The following SLC22A9 variants were observed in gnomAD, a reference collection of about 807,000 sequenced individuals.
The protein encoded by SLC22A9 is solute carrier family 22 member 9.
SLC22A9 carries 64 observed loss-of-function variants against 50.1 expected under a neutral mutation model. The observed-to-expected ratio is 1.28, with a 90% confidence interval of 1.04 to 1.57. The LOEUF (loss-of-function observed/expected upper bound fraction) is 1.57. Among genes scored for constraint, SLC22A9 ranks in the 40% most tolerant of loss-of-function variants. The pLI is 0.00. For missense variants in SLC22A9, 757 were observed against 676.1 expected, an observed-to-expected ratio of 1.12 and a Z score of -1.33; for synonymous variants, 261 against 242.5, an observed-to-expected ratio of 1.08 and a Z score of -0.71.
intron 7 of SLC22A9, 34 bp from the exon 8 acceptor site, chr11:63,408,078 A>G: frequency 6.4e-7 from 1 of 1,569,550 alleles, no homozygotes; most frequent in Non-Finnish European, 8.8e-7. Flanking sequence ...TTCAGCTCAG[A>G]TTTCCTGAGG....
intron 6 of SLC22A9, among the ~76,000 whole-genome samples, chr11:63,387,432 C>T (rs1303809369): frequency 6.6e-6 from 1 of 151,984 alleles, no homozygotes; most frequent in Non-Finnish European, 1.5e-5. Flanking sequence ...TGACACCTTT[C>T]TCAAAAAGAA....
In SLC22A9 at chr11:63,410,066, C is replaced by G. The variant is rs766063578; in HGVS notation, c.*204C>G. 5 of 453,274 alleles carry G rather than the reference C, an allele frequency of 1.1e-5. No individual in the cohort carries two copies. Among genetic ancestry groups the G allele is most frequent in the African/African-American group, 2.0e-5 (1 of 49,670 alleles). The allele number at this position is 453,274 out of a possible 1,614,324, so 28.1% of individuals were successfully genotyped here. A position where few individuals can be genotyped will look rare whatever the true frequency, so the allele number is the denominator to read the frequency against. On this transcript the variant is annotated 3_prime_UTR_variant, in exon 10 of 10. Coordinates refer to ENST00000279178, the MANE Select transcript of SLC22A9 (RefSeq NM_080866.3). ...CCACCCTGGCCAACATGGTGAAACC[C>G]TGTCTCTACTAAAACAAATACAAAA... is the stretch of plus-strand genomic sequence containing the variant.
intron 6 of SLC22A9, among the ~76,000 whole-genome samples, chr11:63,384,071 C>A (rs2014617317): frequency 6.7e-6 from 1 of 149,710 alleles, no homozygotes; most frequent in African/African-American, 2.5e-5. Flanking sequence ...AAAAGAGGAA[C>A]AAAGTGAGAA....
chr11:63,396,016 T>C (rs2014848965), intron 6 of SLC22A9, among the ~76,000 whole-genome samples: 4 of 152,028 alleles, frequency 2.6e-5, no homozygotes, highest in Admixed American at 2.6e-4. Flanking sequence ...CTCACCCAGC[T>C]CCCATGCAAT....
At chr11:63,377,869 TACC>T (rs2014491838) in intron 5 of SLC22A9, among the ~76,000 whole-genome samples, 1 of 151,786 alleles carries the variant, frequency 6.6e-6, no homozygotes, top group Admixed American at 6.6e-5. Flanking sequence ...AAGGTGACAT[TACC>T]ACCAACAACA....
intron 7 of SLC22A9, 99 bp from the exon 8 acceptor site, chr11:63,408,013 T>G (rs944109097): frequency 1.1e-6 from 1 of 912,190 alleles, no homozygotes; most frequent in Non-Finnish European, 1.7e-6. Flanking sequence ...CATTTAACCC[T>G]TGCAAACACC....
intron 6 of SLC22A9, among the ~76,000 whole-genome samples, chr11:63,400,264 T>C (rs969829894): frequency 6.6e-6 from 1 of 151,850 alleles, no homozygotes; most frequent in Admixed American, 6.6e-5. Flanking sequence ...CAAGGCTTTA[T>C]GCAAACTAAG....
chr11:63,371,313 T>A, intron 2 of SLC22A9, 75 bp downstream of exon 2: 2 of 1,176,118 alleles, frequency 1.7e-6, no homozygotes, highest in South Asian at 1.4e-5. Flanking sequence ...CATCTAGAAT[T>A]ACTTACTGCA....
chr11:63,373,777 A>G lies in SLC22A9; in HGVS notation c.640A>G (p.Ile214Val), dbSNP rs764510075. The G allele has an allele frequency of 1.9e-6, 3 of 1,610,910 alleles. No individual in the cohort carries two copies. In the East Asian group the frequency reaches 6.7e-5, roughly 36 times the overall value. ...FLSGIAAMSL[I>V]TNTIMLIAEW... ...GTCTGGGATTGCTGCAATGAGCCTC[A>G]TAACAAATACTATTATGTTAAGTAA... is the stretch of plus-strand genomic sequence containing the variant. The change falls in exon 3 of 10, where the codon ATA becomes GTA. Residue 214 changes from isoleucine to valine, a missense_variant. Transcript: ENST00000279178.
At chr11:63,400,042 C>T (rs2014926429) in intron 6 of SLC22A9, among the ~76,000 whole-genome samples, 1 of 151,966 alleles carries the variant, frequency 6.6e-6, no homozygotes. Context: ...GAAGCACTAA[C>T]AGGTATGTTT....
At chr11:63,391,449 TG>T (rs2014762573) in intron 6 of SLC22A9, among the ~76,000 whole-genome samples, 1 of 152,082 alleles carries the variant, frequency 6.6e-6, no homozygotes, top group African/African-American at 2.4e-5. Context: ...ATAATTGTAT[TG>T]GGGTATATCT....
intron 6 of SLC22A9, among the ~76,000 whole-genome samples, chr11:63,383,598 A>G (rs1172043773): frequency 6.6e-6 from 1 of 152,166 alleles, no homozygotes. Context: ...ATGTGCATAC[A>G]CCAATGCAAA....
Position 63,370,073 on chromosome 11 carries a change from T to C in SLC22A9, c.17T>C (p.Leu6Pro). The change falls in exon 1 of 10, where the codon CTC (leucine) becomes CCC (proline). Residue 6 changes from leucine (L) to proline (P), a missense_variant. Physicochemically the swap from Leu to Pro is moderately conservative, Grantham distance 98. Transcript: ENST00000279178. ...TCAACCTCAATGGCCTTTCAGGACC[T>C]CCTGGGTCACGCTGGTGACCTGTGG... Reference protein sequence around the residue: MAFQDLLGHAGDLWRF... With the variant: MAFQDPLGHAGDLWRF... The C allele has an allele frequency of 6.2e-7, 1 of 1,612,498 alleles. No homozygotes were observed. Among genetic ancestry groups the C allele is most frequent in the Admixed American group, 1.7e-5 (1 of 59,982 alleles).
chr11:63,386,987 G>C (rs1410601695), intron 6 of SLC22A9, among the ~76,000 whole-genome samples: 1 of 151,808 alleles, frequency 6.6e-6, no homozygotes. Flanking sequence ...TGTGATGTTA[G>C]GGTGTTGATT....
intron 3 of SLC22A9, 24 bp downstream of exon 3, chr11:63,373,822 A>G (rs1414012548): frequency 6.2e-7 from 1 of 1,604,528 alleles, no homozygotes; most frequent in Non-Finnish European, 8.5e-7. Context: ...TTGGATCCAC[A>G]TTTTCCAAAC....
Position 63,382,263 on chromosome 11 carries a change from C to G in SLC22A9, c.1059C>G (p.Leu353=). 6.2e-7 allele frequency: 1 copy of G among 1,606,836 alleles called. No individual in the cohort carries two copies. The highest frequency in any genetic ancestry group is 8.5e-7 in the Non-Finnish European group (1 of 1,177,712). The change falls in exon 6 of 10, where the codon CTC becomes CTG. Residue 353 remains leucine (L), a synonymous_variant. Transcript: ENST00000279178. ...CCAACATATGTAAAAGGATCTCCCT[C>G]CTGTCCTTTACGAGGTAAGCTTCAT... is the stretch of plus-strand genomic sequence containing the variant. ...HMPNICKRIS[L]LSFTRFANFM...
chr11:63,390,356 G>A (rs925997558), intron 6 of SLC22A9, among the ~76,000 whole-genome samples: 1 of 152,070 alleles, frequency 6.6e-6, no homozygotes, highest in Non-Finnish European at 1.5e-5. Flanking sequence ...TTTTGTATAA[G>A]GTGTAAGGAA....
chr11:63,405,987 A>T (rs1018584047), intron 6 of SLC22A9, among the ~76,000 whole-genome samples: 1 of 152,136 alleles, frequency 6.6e-6, no homozygotes, highest in Admixed American at 6.6e-5. Flanking sequence ...TGGTATCTTC[A>T]GTTCTCTTTG....
At chr11:63,396,960 G>C (rs1462594974) in intron 6 of SLC22A9, among the ~76,000 whole-genome samples, 1 of 152,056 alleles carries the variant, frequency 6.6e-6, no homozygotes, top group Non-Finnish European at 1.5e-5. Flanking sequence ...GAAAACTTAG[G>C]TATTTATTGT....
Sources: gnomAD v4.1 joint callset for allele counts (sites outside exome capture counted in the v4.1 genomes callset) on GRCh38, gnomAD v4.1.1 for gene constraint, MANE v1.5 for transcripts, NCBI Gene and HGNC (gene_info 2026-07-23, HGNC 2026-07-21) for gene names.